PTPRA: variants seen among roughly 807,000 people sequenced by gnomAD.
The protein encoded by PTPRA is protein tyrosine phosphatase receptor type A.
Under a neutral mutation model 104.8 loss-of-function variants are expected in PTPRA, and 25 were observed. The ratio of observed to expected loss-of-function variants is 0.24; its 90% CI spans 0.17 to 0.33. The LOEUF (loss-of-function observed/expected upper bound fraction) is 0.33, where lower values mean the gene tolerates loss of function less well. PTPRA is among the 10% of genes least tolerant of loss of function. The probability of loss-of-function intolerance (pLI) is 1.00; values close to 1 mark genes in which losing one functional copy is unlikely to be tolerated. For missense variants in PTPRA, 765 were observed against 1,015.3 expected (o/e 0.75, Z 3.35); for synonymous variants, 323 against 368.9 (o/e 0.88, Z 1.43).
intron 5 of PTPRA, among the ~76,000 whole-genome samples, chr20:2,974,163 C>A (rs2062320992): frequency 6.6e-6 from 1 of 151,536 alleles, no homozygotes; most frequent in Non-Finnish European, 1.5e-5. Flanking sequence ...ACTGTGTTAC[C>A]CAGGATGGTC....
At chr20:2,933,632 T>G (rs1413872736) in intron 2 of PTPRA, among the ~76,000 whole-genome samples, 1 of 152,018 alleles carries the variant, frequency 6.6e-6, no homozygotes, top group Non-Finnish European at 1.5e-5. Context: ...AGCTAATTTT[T>G]ATAATTTTTG....
intron 5 of PTPRA, among the ~76,000 whole-genome samples, chr20:2,969,214 A>G (rs1235260831): frequency 6.8e-6 from 1 of 147,784 alleles, no homozygotes; most frequent in African/African-American, 2.5e-5. Context: ...CTCTATCTCA[A>G]AAAAAAAAAA....
intron 2 of PTPRA, among the ~76,000 whole-genome samples, chr20:2,926,025 A>G (rs982109476): frequency 1.3e-4 from 20 of 152,116 alleles, no homozygotes; most frequent in African/African-American, 2.7e-4. Context: ...AAGGGCTTCA[A>G]TTTCTTTACA....
chr20:3,017,507 G>A (rs755796835), intron 12 of PTPRA, among the ~76,000 whole-genome samples: 2 of 152,182 alleles, frequency 1.3e-5, no homozygotes, highest in Non-Finnish European at 2.9e-5. Flanking sequence ...GGTCCATAAT[G>A]TAGGTATTCT....
intron 1 of PTPRA, among the ~76,000 whole-genome samples, chr20:2,891,633 A>G (rs1043781338): frequency 2.4e-4 from 37 of 152,310 alleles, no homozygotes; most frequent in African/African-American, 7.9e-4. Flanking sequence ...TTATATGATA[A>G]TTCACACATT....
Position 3,027,148 on chromosome 20 carries a change from T to C in PTPRA, c.1736T>C (p.Val579Ala), listed in dbSNP as rs545422190. Residue 579 changes from valine to alanine, a missense_variant, in exon 19 of 24, where the codon GTT becomes GCT. Coordinates refer to ENST00000399903, the MANE Select transcript of PTPRA (RefSeq NM_001385305.1). ...PYEFNRVIIP[V>A]KRGEENTDYV... is the part of the protein sequence containing the mutation. ...GAATTCAACAGAGTGATCATTCCAG[T>C]TAAGCGGGGCGAAGAGAATACAGAC... 20 of 1,614,178 alleles carry C rather than the reference T, an allele frequency of 1.2e-5. 1 individual carries two copies. In the East Asian group the frequency reaches 4.2e-4, roughly 34 times the overall value.
At chr20:2,947,333 A>T (rs2061172853) in intron 2 of PTPRA, among the ~76,000 whole-genome samples, 1 of 152,200 alleles carries the variant, frequency 6.6e-6, no homozygotes, top group African/African-American at 2.4e-5. Flanking sequence ...CTTTGGCCAC[A>T]GACCTTAGGA....
At chr20:2,884,760 G>A (rs1220007967) in intron 1 of PTPRA, among the ~76,000 whole-genome samples, 1 of 151,858 alleles carries the variant, frequency 6.6e-6, no homozygotes, top group Non-Finnish European at 1.5e-5. Context: ...GTAGATCTAG[G>A]AGTGGAACTG....
intron 9 of PTPRA, among the ~76,000 whole-genome samples, chr20:2,996,981 A>G (rs1162603278): frequency 6.6e-6 from 1 of 152,206 alleles, no homozygotes; most frequent in Non-Finnish European, 1.5e-5. Context: ...GATGTTTATG[A>G]CAGCATTATT....
At chr20:2,896,377 T>TCAAAAA (rs368536505) in intron 1 of PTPRA, among the ~76,000 whole-genome samples, 1 of 152,258 alleles carries the variant, frequency 6.6e-6, no homozygotes, top group East Asian at 1.9e-4. Flanking sequence ...AGACTCCGTC[T>TCAAAAA]CAAAAACAAA....
chr20:2,935,028 T>C (rs1210427133), intron 2 of PTPRA, among the ~76,000 whole-genome samples: 2 of 152,148 alleles, frequency 1.3e-5, no homozygotes, highest in Non-Finnish European at 2.9e-5. Flanking sequence ...CATATTAATA[T>C]CCTTTTTAAA....
At chr20:2,893,207 G>A (rs1052255833) in intron 1 of PTPRA, among the ~76,000 whole-genome samples, 1 of 152,210 alleles carries the variant, frequency 6.6e-6, no homozygotes, top group African/African-American at 2.4e-5. Context: ...CTAATGCAGT[G>A]CCTGGTTTGT....
intron 6 of PTPRA, among the ~76,000 whole-genome samples, chr20:2,977,622 G>A (rs2148046337): frequency 6.6e-6 from 1 of 151,508 alleles, no homozygotes; most frequent in African/African-American, 2.4e-5. Context: ...TCTAGCCTGG[G>A]CAACAGAGCA....
At chr20:2,865,268 A>C in the PTPRA span, 2 of 1,614,172 alleles carry the variant, frequency 1.2e-6, no homozygotes, top group Non-Finnish European at 1.7e-6. This position sits in a 1 kb window ranked among gnomAD's most constrained non-coding sequence, Gnocchi z 5.2. Context: ...TGGCGGTCAC[A>C]ACAAGCGTGC....
chr20:2,995,255 T>TGAA (rs2063352055), intron 9 of PTPRA, among the ~76,000 whole-genome samples: 1 of 152,092 alleles, frequency 6.6e-6, no homozygotes, highest in South Asian at 2.1e-4. Flanking sequence ...ATTCCTGTAG[T>TGAA]TTCTTCTGGA....
intron 1 of PTPRA, among the ~76,000 whole-genome samples, chr20:2,884,999 T>C (rs679790): frequency 0.23 from 34,334 of 151,832 alleles, 5,947 homozygotes; most frequent in African/African-American, 0.47. Flanking sequence ...TTAGTAGAGA[T>C]GGGATTTCAC....
At chr20:2,980,016 G>A (rs2062605127) in intron 6 of PTPRA, among the ~76,000 whole-genome samples, 4 of 152,166 alleles carry the variant, frequency 2.6e-5, no homozygotes, top group South Asian at 4.1e-4. Context: ...AGGTTCAAAC[G>A]ATTCTCCTGC....
At chr20:2,949,345 T>C (rs1256510376) in intron 3 of PTPRA, among the ~76,000 whole-genome samples, 1 of 151,978 alleles carries the variant, frequency 6.6e-6, no homozygotes, top group Non-Finnish European at 1.5e-5. Flanking sequence ...TCAGATGTTT[T>C]CTCGCTTTGT....
At chr20:2,864,324 G>A in the PTPRA span, 1 of 1,613,984 alleles carries the variant, frequency 6.2e-7, no homozygotes, top group African/African-American at 1.3e-5. This position sits in a 1 kb window ranked among gnomAD's most constrained non-coding sequence, Gnocchi z 5.2. Context: ...GGCTAAGTGG[G>A]AGCCTGGCTG....
Sources: allele counts gnomAD v4.1 joint callset (sites outside exome capture counted in the v4.1 genomes callset), GRCh38; gene constraint gnomAD v4.1.1; non-coding constraint Gnocchi (gnomAD v3.1); transcripts MANE v1.5; gene names NCBI Gene and HGNC (gene_info 2026-07-23, HGNC 2026-07-21).